Variants in ZNF131 observed in about 807,000 individuals in gnomAD.
ZNF131 encodes zinc finger protein 131.
A neutral mutation model predicts 60.0 loss-of-function variants in ZNF131; 7 were observed. The observed-to-expected ratio is 0.12, with a 90% CI of 0.07 to 0.22. The LOEUF (loss-of-function observed/expected upper bound fraction) is 0.22. Among genes scored for constraint, ZNF131 ranks in the 10% least tolerant of loss-of-function variants. ZNF131 has a pLI of 1.00. For synonymous variants in ZNF131, 257 were observed against 253.2 expected (o/e 1.01, Z -0.14); for missense variants, 493 against 740.9 (o/e 0.67, Z 3.88).
chr5:43,134,700 T>TC (rs971959833), intron 3 of ZNF131, among the ~76,000 whole-genome samples: 5 of 142,082 alleles, frequency 3.5e-5, no homozygotes, highest in South Asian at 4.6e-4. Flanking sequence ...TTTCTTTTTT[T>TC]TTTTTTTTTT....
Position 43,175,259 on chromosome 5 carries a change from G to C in ZNF131, c.*126G>C. 1.0e-6 allele frequency: 1 copy of C among 995,152 alleles called. No homozygotes were observed. The highest frequency in any genetic ancestry group is 1.5e-6 in the Non-Finnish European group (1 of 688,432). The allele number at this position is 995,152 out of a possible 1,614,324, so 61.6% of individuals were successfully genotyped here. On this transcript the variant is annotated 3_prime_UTR_variant, in exon 7 of 7. Coordinates refer to ENST00000682664, the MANE Select transcript of ZNF131 (RefSeq NM_001330707.2). Reference sequence around the variant, plus strand: ...AAGTTAAGCTGTTTCCTGTTGTGCTGAACTGTTGTCCGTTGAAACACATTG... The same window carrying C: ...AAGTTAAGCTGTTTCCTGTTGTGCTCAACTGTTGTCCGTTGAAACACATTG...
At chr5:43,125,592 C>T (rs1744434013) in intron 3 of ZNF131, among the ~76,000 whole-genome samples, 1 of 151,792 alleles carries the variant, frequency 6.6e-6, no homozygotes, top group African/African-American at 2.4e-5. Context: ...ACCAGCCTGA[C>T]CAACATGGTG....
At chr5:43,148,478 CT>C (rs1265120572) in intron 4 of ZNF131, among the ~76,000 whole-genome samples, 1 of 152,212 alleles carries the variant, frequency 6.6e-6, no homozygotes, top group African/African-American at 2.4e-5. Context: ...GTTTTTTAAA[CT>C]TTAGGTCAGG....
chr5:43,166,780 G>A (rs987856540), intron 5 of ZNF131, among the ~76,000 whole-genome samples: 6 of 150,692 alleles, frequency 4.0e-5, no homozygotes, highest in African/African-American at 1.5e-4. Flanking sequence ...TCAGCCTCCC[G>A]AGTAGCTGGG....
At chr5:43,121,463 T>G (rs975132063) in intron 1 of ZNF131, 1 of 152,380 alleles carries the variant, frequency 6.6e-6, no homozygotes, top group African/African-American at 2.4e-5. Flanking sequence ...CCCGTTCCCT[T>G]GCTGGTCGGC....
chr5:43,166,412 G>GT (rs1750356094), intron 5 of ZNF131, among the ~76,000 whole-genome samples: 1 of 151,668 alleles, frequency 6.6e-6, no homozygotes, highest in Admixed American at 6.6e-5. Flanking sequence ...CCAGGCTGGA[G>GT]TGCAGTCATG....
chr5:43,142,027 C>T (rs752825289), intron 4 of ZNF131, among the ~76,000 whole-genome samples: 55 of 151,710 alleles, frequency 3.6e-4, no homozygotes, highest in Non-Finnish European at 6.6e-4. Context: ...TTGTATGTCT[C>T]ATCATTTTTT....
At chr5:43,134,701 T>TTC (rs1745823282) in intron 3 of ZNF131, among the ~76,000 whole-genome samples, 2 of 142,666 alleles carry the variant, frequency 1.4e-5, no homozygotes, top group African/African-American at 2.6e-5. Context: ...TTCTTTTTTT[T>TTC]TTTTTTTTTT....
intron 4 of ZNF131, among the ~76,000 whole-genome samples, chr5:43,149,307 C>T (rs1229816851): frequency 1.3e-5 from 2 of 150,988 alleles, no homozygotes; most frequent in Admixed American, 1.3e-4. Flanking sequence ...ATAATCTTGG[C>T]ACTTTGGGCG....
At chr5:43,134,659 T>C (rs1014935029) in intron 3 of ZNF131, among the ~76,000 whole-genome samples, 2 of 148,608 alleles carry the variant, frequency 1.3e-5, no homozygotes, top group Non-Finnish European at 3.0e-5. Flanking sequence ...GGATACAAAA[T>C]CAGCATACAA....
At chr5:43,129,350 G>A (rs763569091) in intron 3 of ZNF131, among the ~76,000 whole-genome samples, 9 of 152,062 alleles carry the variant, frequency 5.9e-5, no homozygotes, top group Non-Finnish European at 1.2e-4. Context: ...AGGATTACAG[G>A]CATGAGCCAC....
chr5:43,157,880 G>A (rs1579851309), intron 4 of ZNF131, among the ~76,000 whole-genome samples: 4 of 152,324 alleles, frequency 2.6e-5, no homozygotes, highest in African/African-American at 9.6e-5. Context: ...CATCTTCTCT[G>A]TCTTCATAAT....
chr5:43,154,469 G>T (rs764297234), intron 4 of ZNF131, among the ~76,000 whole-genome samples: 26 of 151,952 alleles, frequency 1.7e-4, no homozygotes, highest in Non-Finnish European at 3.1e-4. Context: ...ACCACTGATA[G>T]CCCTGCAGTG....
At chr5:43,162,413 G>A (rs1271665840) in intron 5 of ZNF131, among the ~76,000 whole-genome samples, 1 of 151,308 alleles carries the variant, frequency 6.6e-6, no homozygotes, top group Non-Finnish European at 1.5e-5. Flanking sequence ...CCAACATGGT[G>A]AAACCTCATC....
intron 4 of ZNF131, among the ~76,000 whole-genome samples, chr5:43,147,802 C>G (rs189810400): frequency 1.3e-5 from 2 of 150,854 alleles, no homozygotes; most frequent in African/African-American, 4.9e-5. Context: ...TGCCTGTAAT[C>G]ACAGCACTTT....
At chr5:43,145,712 G>C (rs942710486) in intron 4 of ZNF131, among the ~76,000 whole-genome samples, 1 of 151,932 alleles carries the variant, frequency 6.6e-6, no homozygotes, top group African/African-American at 2.4e-5. Flanking sequence ...TACTTGAAAA[G>C]AACCAAAGGA....
chr5:43,126,332 G>C (rs1410805976), intron 3 of ZNF131, among the ~76,000 whole-genome samples: 1 of 152,238 alleles, frequency 6.6e-6, no homozygotes, highest in African/African-American at 2.4e-5. Context: ...GACTGCCTCT[G>C]TGGGCTGTGG....
intron 3 of ZNF131, among the ~76,000 whole-genome samples, chr5:43,128,241 A>G (rs1744811168): frequency 6.6e-6 from 1 of 152,208 alleles, no homozygotes. Context: ...TGATAGATGT[A>G]TAATTATTAC....
rs191734030 is a variant in ZNF131, at chr5:43,135,565, A to G, written c.227-3600A>G. 6.7e-4 allele frequency among the ~76,000 whole-genome samples: 100 copies of G among 150,160 alleles called. 2 individuals carry two copies. The highest frequency in any genetic ancestry group is 6.5e-3 in the Admixed American group (98 of 15,096). ...GGAGTTCAAGACCAGCCTGAACAAC[A>G]TGGTGAAACCCTGTCTCTTCCGGAA... On this transcript the variant is annotated intron_variant, in intron 3 of 6. Transcript: ENST00000682664.
Sources: gnomAD v4.1 joint callset for allele counts (sites outside exome capture counted in the v4.1 genomes callset) on GRCh38, gnomAD v4.1.1 for gene constraint, MANE v1.5 for transcripts, NCBI Gene and HGNC (gene_info 2026-07-23, HGNC 2026-07-21) for gene names.